The following OSBPL10 variants were observed in gnomAD, a reference collection of about 807,000 sequenced individuals.
OSBPL10 encodes oxysterol binding protein like 10, also known as oxysterol-binding protein-related protein 10.
OSBPL10 carries 49 observed loss-of-function variants against 81.7 expected under a neutral mutation model. The ratio of observed to expected loss-of-function variants is 0.60; its 90% CI spans 0.48 to 0.76. The LOEUF (loss-of-function observed/expected upper bound fraction) is 0.76, where lower values mean the gene tolerates loss of function less well. Among genes scored for constraint, OSBPL10 ranks in the 30% least tolerant of loss-of-function variants. The pLI is 0.00. For synonymous variants in OSBPL10, 419 were observed against 383.6 expected (o/e 1.09, Z -1.08); for missense variants, 923 against 987.8 (o/e 0.93, Z 0.88).
At chr3:31,744,041 T>A (rs1302056078) in intron 5 of OSBPL10, among the ~76,000 whole-genome samples, 1 of 152,234 alleles carries the variant, frequency 6.6e-6, no homozygotes, top group Non-Finnish European at 1.5e-5. Context: ...ATGCTTTTCC[T>A]GCAAGAAGTA....
chr3:31,836,682 C>T (rs1416863553), intron 3 of OSBPL10, among the ~76,000 whole-genome samples: 1 of 152,120 alleles, frequency 6.6e-6, no homozygotes, highest in East Asian at 1.9e-4. Context: ...ATCTGACCCC[C>T]TTATCGCACA....
intron 7 of OSBPL10, among the ~76,000 whole-genome samples, chr3:31,689,828 C>G (rs1391772650): frequency 6.6e-6 from 1 of 152,086 alleles, no homozygotes; most frequent in Non-Finnish European, 1.5e-5. Context: ...TCCGTTAAAC[C>G]TCTTTTTCTT....
At chr3:31,781,653 A>C (rs1275902559) in intron 4 of OSBPL10, among the ~76,000 whole-genome samples, 1 of 152,222 alleles carries the variant, frequency 6.6e-6, no homozygotes, top group East Asian at 1.9e-4. Flanking sequence ...ACTGCCATAC[A>C]CCAACAGCAA....
intron 1 of OSBPL10, among the ~76,000 whole-genome samples, chr3:32,075,202 C>T (rs564183962): frequency 6.6e-6 from 1 of 152,308 alleles, no homozygotes; most frequent in African/African-American, 2.4e-5. Flanking sequence ...CAGGTTGACC[C>T]TTTAGCTGCA....
At chr3:31,769,976 A>C (rs1194119595) in intron 4 of OSBPL10, among the ~76,000 whole-genome samples, 1 of 152,168 alleles carries the variant, frequency 6.6e-6, no homozygotes, top group Non-Finnish European at 1.5e-5. Context: ...ATATCCACAA[A>C]ATATATTTGA....
At chr3:31,698,817 G>A (rs959933553) in intron 7 of OSBPL10, among the ~76,000 whole-genome samples, 6 of 152,142 alleles carry the variant, frequency 3.9e-5, no homozygotes, top group African/African-American at 1.4e-4. Flanking sequence ...TTACCTAAGA[G>A]GGACCCCCGT....
chr3:32,039,835 A>G (rs1380589258), intron 2 of OSBPL10, among the ~76,000 whole-genome samples: 2 of 152,192 alleles, frequency 1.3e-5, no homozygotes, highest in Non-Finnish European at 2.9e-5. Context: ...TATATGTAGA[A>G]GATGGAAACT....
intron 9 of OSBPL10, among the ~76,000 whole-genome samples, chr3:31,669,628 G>T (rs1260414017): frequency 6.6e-6 from 1 of 152,180 alleles, no homozygotes; most frequent in African/African-American, 2.4e-5. Context: ...CCTTTGTGGA[G>T]ATTTGCGACC....
intron 2 of OSBPL10, chr3:32,045,879 T>C (rs1699616376): frequency 6.6e-6 from 1 of 152,254 alleles, no homozygotes; most frequent in Admixed American, 6.5e-5. Context: ...TCTCTGCCTG[T>C]TTGAAGATAG....
At chr3:31,779,040 C>A (rs141210582) in intron 4 of OSBPL10, among the ~76,000 whole-genome samples, 1,799 of 152,156 alleles carry the variant, frequency 0.012, 19 homozygotes, top group Non-Finnish European at 0.014. Flanking sequence ...CACCACCAAG[C>A]CAGCACTACA....
chr3:31,763,299 TCTA>T (rs1698108513), intron 4 of OSBPL10, among the ~76,000 whole-genome samples: 1 of 152,222 alleles, frequency 6.6e-6, no homozygotes, highest in Non-Finnish European at 1.5e-5. Flanking sequence ...TTCTGATTAA[TCTA>T]CTGTCATTTC....
chr3:32,059,358 G>A (rs1422702175), intron 1 of OSBPL10, among the ~76,000 whole-genome samples: 3 of 152,142 alleles, frequency 2.0e-5, no homozygotes, highest in East Asian at 3.9e-4. Flanking sequence ...GGAGGCCGAG[G>A]TGGGTGGATC....
chr3:31,881,083 C>T (rs965092032), intron 1 of OSBPL10, among the ~76,000 whole-genome samples: 1 of 152,190 alleles, frequency 6.6e-6, no homozygotes, highest in African/African-American at 2.4e-5. Flanking sequence ...CTGACCGGGT[C>T]AAATATTCTT....
At chr3:31,677,595 C>T (rs1317456333) in intron 8 of OSBPL10, among the ~76,000 whole-genome samples, 1 of 152,224 alleles carries the variant, frequency 6.6e-6, no homozygotes, top group Non-Finnish European at 1.5e-5. Context: ...GCTTCATCTG[C>T]AGGCTGCATC....
intron 2 of OSBPL10, among the ~76,000 whole-genome samples, chr3:31,997,509 C>T (rs928005485): frequency 4.6e-5 from 7 of 151,916 alleles, no homozygotes; most frequent in South Asian, 2.1e-4. Context: ...ATGATCTGCC[C>T]GCTTCAGCCT....
At chr3:31,889,736 C>T (rs1400268000) in intron 1 of OSBPL10, among the ~76,000 whole-genome samples, 4 of 152,044 alleles carry the variant, frequency 2.6e-5, no homozygotes, top group Non-Finnish European at 4.4e-5. Context: ...TTCTAGCATT[C>T]TATAGCACAA....
At chr3:31,865,600 G>T (rs891624024) in intron 3 of OSBPL10, among the ~76,000 whole-genome samples, 2 of 152,208 alleles carry the variant, frequency 1.3e-5, no homozygotes, top group Admixed American at 6.5e-5. Flanking sequence ...ATTAGGTCAT[G>T]AAAGAGCTCA....
upstream of OSBPL10, among the ~76,000 whole-genome samples, chr3:31,983,791 GAA>G (rs1698896002): frequency 6.6e-6 from 1 of 152,156 alleles, no homozygotes; most frequent in Non-Finnish European, 1.5e-5. Context: ...GTTTGGAGAG[GAA>G]AAAGTCTTTA....
At chr3:32,036,852 C>T (rs994403744) in intron 2 of OSBPL10, among the ~76,000 whole-genome samples, 10 of 151,834 alleles carry the variant, frequency 6.6e-5, no homozygotes, top group Non-Finnish European at 1.5e-4. Context: ...GAAAAAAACC[C>T]ACATTCCTGA....
Sources: allele counts gnomAD v4.1 joint callset (sites outside exome capture counted in the v4.1 genomes callset), GRCh38; gene constraint gnomAD v4.1.1; transcripts MANE v1.5; gene names NCBI Gene and HGNC (gene_info 2026-07-23, HGNC 2026-07-21).